Variants in DNAJC7 observed in about 807,000 individuals in gnomAD.
DNAJC7 encodes the protein DnaJ heat shock protein family (Hsp40) member C7.
A neutral mutation model predicts 67.4 loss-of-function variants in DNAJC7; 18 were observed. The ratio of observed to expected loss-of-function variants is 0.27; its 90% CI spans 0.18 to 0.40. The LOEUF (loss-of-function observed/expected upper bound fraction) is 0.40. DNAJC7 is among the 10% of genes least tolerant of loss of function. The pLI, the probability that DNAJC7 is intolerant of heterozygous loss-of-function variation, is 1.00. For synonymous variants in DNAJC7, 220 were observed against 207.8 expected, an observed-to-expected ratio of 1.06 and a Z score of -0.50; for missense variants, 419 against 613.8, an observed-to-expected ratio of 0.68 and a Z score of 3.35.
chr17:41,983,352 GA>G (rs2143127584), intron 10 of DNAJC7, among the ~76,000 whole-genome samples: 1 of 152,232 alleles, frequency 6.6e-6, no homozygotes, highest in Non-Finnish European at 1.5e-5. Flanking sequence ...TCCAACTCCT[GA>G]TCTCAGGTGA....
intron 1 of DNAJC7, among the ~76,000 whole-genome samples, chr17:42,008,305 G>A (rs1266783588): frequency 2.7e-5 from 4 of 146,998 alleles, no homozygotes; most frequent in South Asian, 2.2e-4. Flanking sequence ...GTGAGACTCC[G>A]TCTCAAAAAA....
At chr17:42,010,481 A>C (rs1206867404) in intron 1 of DNAJC7, among the ~76,000 whole-genome samples, 3 of 152,148 alleles carry the variant, frequency 2.0e-5, no homozygotes, top group African/African-American at 7.2e-5. Flanking sequence ...AACAAGAATG[A>C]AACTCTGTCT....
At chr17:42,013,858 G>C (rs1005258813) in intron 1 of DNAJC7, 1 of 152,328 alleles carries the variant, frequency 6.6e-6, no homozygotes, top group African/African-American at 2.4e-5. Context: ...GCAATGGCAC[G>C]ATCTCGGCTC....
At chr17:41,976,859 G>A in intron 13 of DNAJC7, 89 bp from the exon 14 acceptor site, 1 of 1,504,196 alleles carries the variant, frequency 6.6e-7, no homozygotes, top group Non-Finnish European at 9.0e-7. Context: ...TTCAAGGGCT[G>A]CTTCAAACTC....
At chr17:42,009,521 C>T (rs2052062073) in intron 1 of DNAJC7, among the ~76,000 whole-genome samples, 1 of 152,198 alleles carries the variant, frequency 6.6e-6, no homozygotes, top group Non-Finnish European at 1.5e-5. Flanking sequence ...GAAACATATT[C>T]ACTTGGAAAT....
chr17:41,981,970 C>T lies in DNAJC7; in HGVS notation c.1269G>A (p.Glu423=). 1.9e-6 allele frequency: 3 copies of T among 1,614,046 alleles called. No homozygotes were observed. Among genetic ancestry groups the T allele is most frequent in the Non-Finnish European group, 1.7e-6 (2 of 1,179,908 alleles). ...CAACTTCCTTGAACTTCTTCTCCTC[C>T]TCCTTCTGAACCTCAGCACTGGCTC... ...HSGASAEVQK[E]EEKKFKEVGE... is the part of the protein sequence containing the mutation. Residue 423 remains glutamate (E), a synonymous_variant, in exon 12 of 14, where the codon GAG becomes GAA. Transcript: ENST00000457167.
rs546633962 is a variant in DNAJC7, at chr17:41,993,884, A to AC, written c.480+985_480+986insG. Among the ~76,000 whole-genome samples the AC allele has an allele frequency of 2.6e-5, 4 of 151,386 alleles. No individual in the cohort carries two copies. In the South Asian group the frequency reaches 6.3e-4, roughly 24 times the overall value. On this transcript the variant is annotated intron_variant, in intron 5 of 13. Transcript: ENST00000457167. ...AAACCCCGTCTCTACTAAAAAAAAA[A>AC]AAAACAAAATTAGCCATGCGTGGCA... is the stretch of plus-strand genomic sequence containing the variant.
chr17:41,999,896 G>C (rs782019016), intron 2 of DNAJC7, among the ~76,000 whole-genome samples: 71 of 149,632 alleles, frequency 4.7e-4, no homozygotes, highest in Non-Finnish European at 6.6e-4. Flanking sequence ...TTGGCTCACT[G>C]CAACTTCTAC....
intron 7 of DNAJC7, 59 bp from the exon 8 acceptor site, chr17:41,988,955 CAG>C (rs1489034682): frequency 1.3e-6 from 2 of 1,576,228 alleles, no homozygotes; most frequent in African/African-American, 2.7e-5. Context: ...GACCATTGCA[CAG>C]AGAGGCCAGA....
chr17:42,002,990 G>A (rs543658028), intron 1 of DNAJC7, among the ~76,000 whole-genome samples: 1 of 152,256 alleles, frequency 6.6e-6, no homozygotes, highest in East Asian at 1.9e-4. Flanking sequence ...CCTCCCCAAA[G>A]AAATGCATTT....
chr17:41,978,129 G>A (rs1168990489), intron 12 of DNAJC7, among the ~76,000 whole-genome samples: 5 of 152,130 alleles, frequency 3.3e-5, no homozygotes, highest in East Asian at 1.9e-4. Flanking sequence ...ACATGGCAGC[G>A]AAAGCAGCAG....
chr17:41,994,510 A>T, intron 5 of DNAJC7, among the ~76,000 whole-genome samples: 1 of 142,884 alleles, frequency 7.0e-6, no homozygotes, highest in South Asian at 2.3e-4. Context: ...ACAGAGTGAG[A>T]CTAGGCCTCA....
Position 41,976,697 on chromosome 17 carries a change from A to G in DNAJC7, c.*36T>C, listed in dbSNP as rs782278404. 10 of 1,606,590 alleles carry G rather than the reference A, an allele frequency of 6.2e-6. 1 individual carries two copies. The South Asian group carries it at 1.1e-4, about 18-fold the overall frequency. ...CCACATTCAAGATTAAACTGAGTGA[A>G]TCTGCATTTTCTGGGTTCTGGGTGG... On this transcript the variant is annotated 3_prime_UTR_variant, in exon 14 of 14. Coordinates refer to ENST00000457167, the MANE Select transcript of DNAJC7 (RefSeq NM_003315.4).
intron 12 of DNAJC7, among the ~76,000 whole-genome samples, chr17:41,979,295 C>T (rs2051177996): frequency 6.6e-6 from 1 of 151,556 alleles, no homozygotes; most frequent in African/African-American, 2.4e-5. Flanking sequence ...GCTGAGACTG[C>T]ACCACTGCAC....
intron 1 of DNAJC7, 65 bp from the exon 2 acceptor site, chr17:42,000,635 G>A (rs572279144): frequency 7.8e-6 from 10 of 1,289,172 alleles, no homozygotes; most frequent in Admixed American, 2.0e-5. Flanking sequence ...TAATCTTACA[G>A]GAGGAATCTT....
chr17:42,010,861 A>G (rs2052098027), intron 1 of DNAJC7, among the ~76,000 whole-genome samples: 2 of 152,314 alleles, frequency 1.3e-5, no homozygotes, highest in South Asian at 2.1e-4. Flanking sequence ...AGAGTCATAT[A>G]TTCCTCCTAT....
chr17:42,011,017 A>T (rs1001638224), intron 1 of DNAJC7: 3 of 152,194 alleles, frequency 2.0e-5, no homozygotes, highest in Non-Finnish European at 2.9e-5. Flanking sequence ...TGCACTTTGA[A>T]TTTTGTTCTT....
At chr17:41,985,570 A>G (rs556041548) in intron 9 of DNAJC7, 21 of 152,322 alleles carry the variant, frequency 1.4e-4, no homozygotes, top group African/African-American at 5.1e-4. Flanking sequence ...TGCTTTTTAA[A>G]ATTCAGGGAT....
At chr17:42,010,090 C>T (rs782481002) in intron 1 of DNAJC7, among the ~76,000 whole-genome samples, 9 of 152,054 alleles carry the variant, frequency 5.9e-5, no homozygotes, top group South Asian at 2.1e-4. Context: ...TGCAGTGAGC[C>T]GAGATCGTGC....
Sources: allele counts gnomAD v4.1 joint callset (sites outside exome capture counted in the v4.1 genomes callset), GRCh38; gene constraint gnomAD v4.1.1; transcripts MANE v1.5; gene names NCBI Gene and HGNC (gene_info 2026-07-23, HGNC 2026-07-21).